Variants in MBTD1 observed in about 807,000 individuals in gnomAD.
MBTD1 encodes MBT domain-containing protein 1.
Under a neutral mutation model 87.8 loss-of-function variants are expected in MBTD1, and 24 were observed. The ratio of observed to expected loss-of-function variants is 0.27; its 90% CI spans 0.20 to 0.38. The LOEUF (loss-of-function observed/expected upper bound fraction) is 0.38, where lower values mean the gene tolerates loss of function less well. Among genes scored for constraint, MBTD1 ranks in the 10% least tolerant of loss-of-function variants. The pLI is 1.00. For synonymous variants in MBTD1, 237 were observed against 248.6 expected (o/e 0.95, Z 0.44); for missense variants, 436 against 760.2 (o/e 0.57, Z 5.02).
intron 2 of MBTD1, among the ~76,000 whole-genome samples, chr17:51,238,132 G>A (rs866709718): frequency 5.3e-5 from 8 of 152,196 alleles, no homozygotes; most frequent in Middle Eastern, 6.8e-3. Context: ...AGGAGCATGA[G>A]GAAACTTTTA....
At chr17:51,212,818 G>A (rs1056319206) in intron 6 of MBTD1, among the ~76,000 whole-genome samples, 3 of 151,804 alleles carry the variant, frequency 2.0e-5, no homozygotes, top group Non-Finnish European at 2.9e-5. Context: ...GTGCAGTGGC[G>A]CAATCTCAGC....
rs191091251 is a variant in MBTD1, at chr17:51,243,138, T to C, written c.-49+16005A>G. Among the ~76,000 whole-genome samples the C allele has an allele frequency of 2.2e-4, 33 of 152,312 alleles. No individual in the cohort carries two copies. In the East Asian group the frequency reaches 4.8e-3, roughly 22 times the overall value. On this transcript the variant is annotated intron_variant, in intron 2 of 16. Transcript: ENST00000586178. The stretch of plus-strand genomic sequence containing the variant: ...ATGTATTTGTAATTTTGTTAGATAT[T>C]GCCAAATTCCACTCCAAAGAAATGT...
chr17:51,223,830 T>C (rs2053058907), intron 3 of MBTD1, among the ~76,000 whole-genome samples: 1 of 152,064 alleles, frequency 6.6e-6, no homozygotes, highest in Non-Finnish European at 1.5e-5. Flanking sequence ...AGTGAGACTG[T>C]CTCAACAACA....
At chr17:51,200,451 C>G (rs1487472064) in intron 12 of MBTD1, among the ~76,000 whole-genome samples, 1 of 150,836 alleles carries the variant, frequency 6.6e-6, no homozygotes. Context: ...GCCTGCAGTA[C>G]CAGCTGCTCA....
chr17:51,233,238 C>T (rs554858349), intron 2 of MBTD1, among the ~76,000 whole-genome samples: 1 of 147,896 alleles, frequency 6.8e-6, no homozygotes, highest in East Asian at 1.9e-4. Flanking sequence ...CAGTGAAGCT[C>T]AGCAGTCAAC....
At chr17:51,242,880 T>C (rs2054234531) in intron 2 of MBTD1, among the ~76,000 whole-genome samples, 1 of 152,200 alleles carries the variant, frequency 6.6e-6, no homozygotes, top group Non-Finnish European at 1.5e-5. Flanking sequence ...TGTTTAGAAA[T>C]ATACCCTGGA....
chr17:51,188,628 A>T (rs1298938139), intron 16 of MBTD1, among the ~76,000 whole-genome samples: 1 of 152,216 alleles, frequency 6.6e-6, no homozygotes, highest in Non-Finnish European at 1.5e-5. Flanking sequence ...GCTTAGTGAG[A>T]AAACTTTCTA....
At chr17:51,186,602 C>T (rs1443497447) in intron 16 of MBTD1, among the ~76,000 whole-genome samples, 2 of 152,036 alleles carry the variant, frequency 1.3e-5, no homozygotes, top group African/African-American at 4.8e-5. Flanking sequence ...CAGTGAAGCC[C>T]CATCTCTACT....
At chr17:51,201,721 C>T (rs749399941) in intron 11 of MBTD1, 25 bp from the exon 12 acceptor site, 4 of 1,361,502 alleles carry the variant, frequency 2.9e-6, no homozygotes, top group Non-Finnish European at 4.2e-6. Flanking sequence ...GAAAGCACAT[C>T]TACTGTTACA....
intron 2 of MBTD1, chr17:51,251,494 A>G (rs2054779810): frequency 6.6e-6 from 1 of 152,142 alleles, no homozygotes. Flanking sequence ...ACCTATGATC[A>G]ATGTTTTGGA....
intron 3 of MBTD1, among the ~76,000 whole-genome samples, chr17:51,221,579 TG>T (rs1346330403): frequency 6.6e-6 from 1 of 152,220 alleles, no homozygotes; most frequent in African/African-American, 2.4e-5. Context: ...CGGTTGGCTC[TG>T]TGCTTCCATG....
At chr17:51,243,693 T>C (rs1266151796) in intron 2 of MBTD1, among the ~76,000 whole-genome samples, 1 of 152,094 alleles carries the variant, frequency 6.6e-6, no homozygotes, top group Non-Finnish European at 1.5e-5. Flanking sequence ...TCTGGAAGAT[T>C]AGTTTTAATT....
In MBTD1 at chr17:51,189,518, T is replaced by TTC. The variant is rs549847885; in HGVS notation, c.1768+2683_1768+2684dup. On this transcript the variant is annotated intron_variant, in intron 16 of 16. Coordinates refer to ENST00000586178, the MANE Select transcript of MBTD1 (RefSeq NM_017643.3). ...CATTAATTACATATTTCTTTCCATGTTCCCAGCCCATTAATTCAAAACAGT... is the reference window on the plus strand; with the variant it reads ...CATTAATTACATATTTCTTTCCATGTTCTCCCAGCCCATTAATTCAAAACAGT... Among the ~76,000 whole-genome samples, 16 of 152,354 alleles carry TTC rather than the reference T, an allele frequency of 1.1e-4. No homozygotes were observed. The South Asian group carries it at 3.3e-3, about 32-fold the overall frequency.
chr17:51,197,014 T>A (rs2051148344), intron 12 of MBTD1, among the ~76,000 whole-genome samples: 1 of 113,346 alleles, frequency 8.8e-6, no homozygotes, highest in African/African-American at 3.6e-5. Context: ...AGTTGATTTT[T>A]GTCTTTATCT....
At chr17:51,206,865 A>C (rs1291027860) in intron 7 of MBTD1, 23 bp downstream of exon 7, 16 of 1,450,368 alleles carry the variant, frequency 1.1e-5, no homozygotes, top group Admixed American at 3.4e-5. Flanking sequence ...ATTTTCTACT[A>C]AACTATTATT....
intron 5 of MBTD1, among the ~76,000 whole-genome samples, 170 bp from the exon 6 acceptor site, chr17:51,217,586 A>G (rs1197799415): frequency 3.9e-5 from 6 of 152,286 alleles, no homozygotes; most frequent in East Asian, 1.9e-4. Flanking sequence ...GCTTTGGCTT[A>G]TATCATATTT....
chr17:51,244,756 A>G (rs1349715587), intron 2 of MBTD1, among the ~76,000 whole-genome samples: 2 of 151,772 alleles, frequency 1.3e-5, no homozygotes, highest in African/African-American at 2.4e-5. Flanking sequence ...GGAATTCCTT[A>G]CTTTCTTCCT....
At chr17:51,224,020 G>C (rs2053069798) in intron 3 of MBTD1, among the ~76,000 whole-genome samples, 1 of 152,218 alleles carries the variant, frequency 6.6e-6, no homozygotes, top group Admixed American at 6.5e-5. Context: ...TTTCAAGAAA[G>C]CTAAAGCAAT....
chr17:51,216,205 T>A (rs780572560), intron 6 of MBTD1, among the ~76,000 whole-genome samples: 1 of 152,216 alleles, frequency 6.6e-6, no homozygotes, highest in Non-Finnish European at 1.5e-5. Context: ...GTGCTGGGAT[T>A]ACAGGCGTGA....
Sources: allele counts gnomAD v4.1 joint callset (sites outside exome capture counted in the v4.1 genomes callset), GRCh38; gene constraint gnomAD v4.1.1; transcripts MANE v1.5; gene names NCBI Gene and HGNC (gene_info 2026-07-23, HGNC 2026-07-21).